Variants in OR6N1 observed in about 807,000 individuals in gnomAD.
OR6N1 encodes olfactory receptor 6N1.
For synonymous variants in OR6N1, 170 were observed against 150.7 expected (o/e 1.13, Z -0.94); for missense variants, 394 against 371.7 (o/e 1.06, Z -0.49).
the OR6N1 span, among the ~76,000 whole-genome samples, chr1:158,838,905 G>C: frequency 6.6e-6 from 1 of 152,060 alleles, no homozygotes; most frequent in African/African-American, 2.4e-5. Flanking sequence ...GTGTTTTTCA[G>C]CTTCAGAATT....
At chr1:158,778,213 G>A in the OR6N1 span, among the ~76,000 whole-genome samples, 3 of 152,302 alleles carry the variant, frequency 2.0e-5, no homozygotes, top group Non-Finnish European at 4.4e-5. Flanking sequence ...ACAAAATTCA[G>A]CAAGGTACAA....
chr1:158,776,751 C>T (rs1657603626), upstream of OR6N1: 3 of 1,613,636 alleles, frequency 1.9e-6, no homozygotes, highest in South Asian at 3.3e-5. Flanking sequence ...TAATGATTTC[C>T]TTGTTACGAA....
the OR6N1 span, among the ~76,000 whole-genome samples, chr1:158,810,092 G>A: frequency 6.6e-6 from 1 of 152,150 alleles, no homozygotes; most frequent in Non-Finnish European, 1.5e-5. Context: ...CTTCAAAAGA[G>A]AAGAGCCTTG....
Position 158,771,908 on chromosome 1 carries a change from T to C in OR6N1, c.-19+113A>G, listed in dbSNP as rs150010902. 1.2e-4 allele frequency: 19 copies of C among 152,352 alleles called. 1 individual carries two copies. In the East Asian group the frequency reaches 3.7e-3, roughly 29 times the overall value. 9.4% of individuals were successfully genotyped at this position (152,352 alleles called of 1,614,324 possible). A position where few individuals can be genotyped will look rare whatever the true frequency, so the allele number is the denominator to read the frequency against. On this transcript the variant is annotated intron_variant, in intron 1 of 1. Coordinates refer to ENST00000641846, the MANE Select transcript of OR6N1 (RefSeq NM_001005185.2). ...GTTTCTGTGTTTCAATTATGTGTTT[T>C]ATGGACCCTGATTATTCAAAAACCT...
the OR6N1 span, among the ~76,000 whole-genome samples, chr1:158,807,229 C>A: frequency 2.0e-5 from 3 of 152,058 alleles, no homozygotes; most frequent in Admixed American, 6.6e-5. Flanking sequence ...TTGGGATGTT[C>A]TTCCTTCTTC....
At chr1:158,836,751 A>C in the OR6N1 span, among the ~76,000 whole-genome samples, 2 of 147,582 alleles carry the variant, frequency 1.4e-5, no homozygotes, top group Non-Finnish European at 3.0e-5. Context: ...CTTCCTTTTG[A>C]TGGCTTTTGG....
At chr1:158,781,612 G>A in the OR6N1 span, among the ~76,000 whole-genome samples, 26 of 152,218 alleles carry the variant, frequency 1.7e-4, no homozygotes, top group East Asian at 1.3e-3. Context: ...TCCGAAATCC[G>A]AAGAGACACT....
chr1:158,812,717 A>G, the OR6N1 span, among the ~76,000 whole-genome samples: 1 of 152,218 alleles, frequency 6.6e-6, no homozygotes, highest in Non-Finnish European at 1.5e-5. Flanking sequence ...TTTCATCTAA[A>G]TATTCTATAT....
At chr1:158,776,053 C>G (rs746226043), upstream of OR6N1, 4 of 152,000 alleles carry the variant, frequency 2.6e-5, no homozygotes, top group African/African-American at 9.7e-5. Context: ...AGAATAACTC[C>G]GAGTATCTAG....
the OR6N1 span, among the ~76,000 whole-genome samples, chr1:158,826,950 A>G: frequency 2.0e-5 from 3 of 152,196 alleles, no homozygotes; most frequent in African/African-American, 7.2e-5. Context: ...AAGGTCCTTG[A>G]GTACCAAACA....
At chr1:158,837,288 T>C in the OR6N1 span, among the ~76,000 whole-genome samples, 5 of 151,862 alleles carry the variant, frequency 3.3e-5, no homozygotes, top group Non-Finnish European at 7.4e-5. Context: ...TTGTTCTACC[T>C]ATTATTGAAA....
the OR6N1 span, among the ~76,000 whole-genome samples, chr1:158,818,682 C>T: frequency 1.3e-5 from 2 of 152,192 alleles, no homozygotes; most frequent in African/African-American, 2.4e-5. Flanking sequence ...GCCTGGGAAT[C>T]TTTGAGCAAT....
chr1:158,829,836 T>A, the OR6N1 span, among the ~76,000 whole-genome samples: 3 of 152,196 alleles, frequency 2.0e-5, no homozygotes, highest in Non-Finnish European at 2.9e-5. Context: ...TGGGGAAGCC[T>A]CACAATCATG....
At position 158,765,462 on chromosome 1, in the gene OR6N1, A is replaced by G. The variant is rs1028937901; in HGVS notation, c.*282T>C. On this transcript the variant is annotated 3_prime_UTR_variant, in exon 2 of 2. Transcript: ENST00000641846. ...TAATAGGTAAGACACAGATTTTAAA[A>G]AAAACCTAAGTGTGATACATAAACA... 3.1e-4 allele frequency: 89 copies of G among 291,498 alleles called. No individual in the cohort carries two copies. The highest frequency in any genetic ancestry group is 3.8e-4 in the Non-Finnish European group (60 of 155,852). 18.1% of individuals were successfully genotyped at this position (291,498 alleles called of 1,614,324 possible).
At chr1:158,808,894 A>G in the OR6N1 span, 1 of 152,656 alleles carries the variant, frequency 6.6e-6, no homozygotes, top group Non-Finnish European at 1.5e-5. Context: ...CAGCCACCCA[A>G]CTGGCCCCAG....
At chr1:158,778,212 AG>A in the OR6N1 span, among the ~76,000 whole-genome samples, 5 of 152,238 alleles carry the variant, frequency 3.3e-5, no homozygotes, top group South Asian at 1.0e-3. Context: ...CACAAAATTC[AG>A]CAAGGTACAA....
the OR6N1 span, among the ~76,000 whole-genome samples, chr1:158,818,886 A>C: frequency 6.6e-6 from 1 of 152,138 alleles, no homozygotes; most frequent in Non-Finnish European, 1.5e-5. Context: ...TCAGTATCTC[A>C]TAAAGAACAT....
the OR6N1 span, among the ~76,000 whole-genome samples, chr1:158,779,164 G>A: frequency 1.3e-5 from 2 of 152,034 alleles, no homozygotes; most frequent in African/African-American, 4.8e-5. Context: ...AAATAGTATT[G>A]GACATTCTAA....
chr1:158,818,537 C>T, the OR6N1 span, among the ~76,000 whole-genome samples: 4 of 152,072 alleles, frequency 2.6e-5, no homozygotes, highest in African/African-American at 7.2e-5. Flanking sequence ...TGGGGAGGCA[C>T]TCTAAAATAT....
Sources: allele counts gnomAD v4.1 joint callset (sites outside exome capture counted in the v4.1 genomes callset), GRCh38; gene constraint gnomAD v4.1.1; transcripts MANE v1.5; gene names NCBI Gene and HGNC (gene_info 2026-07-23, HGNC 2026-07-21).